SGCZ: variants seen among roughly 807,000 people sequenced by gnomAD.
SGCZ encodes the protein zeta-sarcoglycan.
Under a neutral mutation model 41.3 loss-of-function variants are expected in SGCZ, and 40 were observed. That is an observed-to-expected ratio of 0.97 (90% CI 0.75 to 1.26). SGCZ has a LOEUF of 1.26. Ranked by LOEUF, SGCZ falls within the 50% of genes most tolerant of loss-of-function variation. SGCZ has a pLI of 0.00. For synonymous variants in SGCZ, 206 were observed against 137.5 expected, an observed-to-expected ratio of 1.50 and a Z score of -3.49; for missense variants, 552 against 369.8, an observed-to-expected ratio of 1.49 and a Z score of -4.04.
At chr8:14,251,822 TCTCCTGCCTCAG>T (rs1799297327) in intron 3 of SGCZ, among the ~76,000 whole-genome samples, 1 of 152,116 alleles carries the variant, frequency 6.6e-6, no homozygotes, top group Non-Finnish European at 1.5e-5. Flanking sequence ...TTCAAGTGGT[TCTCCTGCCTCAG>T]CCTCCTGAGT....
chr8:14,184,405 G>T (rs1804836474), intron 4 of SGCZ, among the ~76,000 whole-genome samples: 1 of 152,104 alleles, frequency 6.6e-6, no homozygotes, highest in Admixed American at 6.6e-5. Context: ...GTAATCCAGA[G>T]TATTAATTAT....
intron 1 of SGCZ, among the ~76,000 whole-genome samples, chr8:14,673,578 T>A (rs1329409276): frequency 2.0e-5 from 3 of 152,130 alleles, no homozygotes; most frequent in Admixed American, 6.6e-5. Context: ...GTGAGTCAAT[T>A]AAACCTCTCT....
At chr8:15,007,893 A>G (rs12674502) in intron 1 of SGCZ, among the ~76,000 whole-genome samples, 85,387 of 151,968 alleles carry the variant, frequency 0.56, 24,567 homozygotes, top group Middle Eastern at 0.68. Context: ...GTTATAAATG[A>G]AATTTTTAAA....
At chr8:15,033,155 C>A (rs954571667) in intron 1 of SGCZ, among the ~76,000 whole-genome samples, 2 of 151,902 alleles carry the variant, frequency 1.3e-5, no homozygotes, top group African/African-American at 4.8e-5. Flanking sequence ...TCCCACTAGA[C>A]CCCAAGTCTG....
chr8:14,606,258 G>C (rs1033794433), intron 1 of SGCZ, among the ~76,000 whole-genome samples: 4 of 151,982 alleles, frequency 2.6e-5, no homozygotes, highest in African/African-American at 9.7e-5. Flanking sequence ...TAACATACAT[G>C]TATATATGAT....
At chr8:14,856,215 TATGATTCA>T (rs1488257686) in intron 1 of SGCZ, among the ~76,000 whole-genome samples, 2 of 152,162 alleles carry the variant, frequency 1.3e-5, no homozygotes, top group Admixed American at 6.5e-5. Context: ...GAAGATAAGT[TATGATTCA>T]ATGAAAATAA....
intron 4 of SGCZ, among the ~76,000 whole-genome samples, chr8:14,213,352 C>A (rs545661583): frequency 2.0e-5 from 3 of 152,106 alleles, no homozygotes; most frequent in African/African-American, 7.2e-5. Flanking sequence ...GTATGGCAGC[C>A]AATTTTTCAT....
chr8:14,746,516 T>C (rs886408479), intron 1 of SGCZ, among the ~76,000 whole-genome samples: 4 of 152,054 alleles, frequency 2.6e-5, no homozygotes, highest in Admixed American at 2.0e-4. Flanking sequence ...CCTCATTCAC[T>C]CTCTCCCCTC....
chr8:14,646,159 C>G (rs1310889607), intron 1 of SGCZ, among the ~76,000 whole-genome samples: 1 of 151,922 alleles, frequency 6.6e-6, no homozygotes, highest in Non-Finnish European at 1.5e-5. Context: ...CACCCAGATA[C>G]TGAGCACAGT....
At chr8:14,465,151 T>G (rs538301332) in intron 2 of SGCZ, among the ~76,000 whole-genome samples, 1 of 151,836 alleles carries the variant, frequency 6.6e-6, no homozygotes, top group African/African-American at 2.4e-5. Flanking sequence ...CTCCCTATTA[T>G]TGAAAGTAGA....
chr8:15,091,737 G>A (rs1806159854), intron 1 of SGCZ, among the ~76,000 whole-genome samples: 1 of 151,986 alleles, frequency 6.6e-6, no homozygotes, highest in Admixed American at 6.6e-5. Flanking sequence ...TCAATAAGAG[G>A]ACTCCTAATT....
At position 14,465,680 on chromosome 8, in the gene SGCZ, T is replaced by C. The variant is rs904055112; in HGVS notation, c.234+89052A>G. On this transcript the variant is annotated intron_variant, in intron 2 of 7. Transcript: ENST00000382080. ...CATTATTTAGCCATTTTCTTTGTGG[T>C]TGCCATGGGGATTATATTTAACATC... Among the ~76,000 whole-genome samples the C allele has an allele frequency of 3.3e-5, 5 of 151,760 alleles. No individual in the cohort carries two copies. In the East Asian group the frequency reaches 9.6e-4, roughly 29 times the overall value.
chr8:14,146,174 T>C lies in SGCZ; in HGVS notation c.547+18406A>G, dbSNP rs543372940. Among the ~76,000 whole-genome samples the C allele has an allele frequency of 4.7e-4, 72 of 152,042 alleles. 1 individual carries two copies. Among genetic ancestry groups the C allele is most frequent in the African/African-American group, 1.6e-3 (67 of 41,472 alleles). ...TTATCAAACTCTCAAAAGTCAATGA[T>C]AAAGAAAGGATTCTAAAAGCAGCCA... On this transcript the variant is annotated intron_variant, in intron 5 of 7. Coordinates refer to ENST00000382080, the MANE Select transcript of SGCZ (RefSeq NM_139167.4).
At chr8:14,164,188 C>T (rs965334778) in intron 5 of SGCZ, among the ~76,000 whole-genome samples, 1 of 151,990 alleles carries the variant, frequency 6.6e-6, no homozygotes, top group Non-Finnish European at 1.5e-5. Context: ...ATTATAACTT[C>T]CCCCTTACTT....
chr8:14,860,679 AGAAAGAAAGAAAGAAG>A (rs1355658779), intron 1 of SGCZ, among the ~76,000 whole-genome samples: 3 of 143,704 alleles, frequency 2.1e-5, no homozygotes, highest in Admixed American at 1.4e-4. Flanking sequence ...AGGGAAAGAG[AGAAAGAAAGAAAGAAG>A]GAAAGAAAGA....
intron 3 of SGCZ, among the ~76,000 whole-genome samples, chr8:14,246,835 G>A (rs1262885336): frequency 6.8e-5 from 10 of 147,658 alleles, no homozygotes; most frequent in Admixed American, 4.8e-4. Flanking sequence ...GCATGAACCC[G>A]GGAGGCAGAG....
At chr8:14,434,990 T>C (rs1472532903) in intron 2 of SGCZ, among the ~76,000 whole-genome samples, 6 of 152,176 alleles carry the variant, frequency 3.9e-5, no homozygotes, top group Non-Finnish European at 8.8e-5. Context: ...GAAATAAATT[T>C]GTGTTCATTA....
rs1481391948 is a variant in SGCZ, at chr8:15,091,087, A to G, written c.39+146498T>C. 2.6e-5 allele frequency among the ~76,000 whole-genome samples: 4 copies of G among 152,214 alleles called. No homozygotes were observed. In the East Asian group the frequency reaches 7.7e-4, roughly 29 times the overall value. On this transcript the variant is annotated intron_variant, in intron 1 of 7. Transcript: ENST00000382080. ...ATATTAAATGTTTTGCTTTATTACC[A>G]CAGACATACTTGAACTGGTAGAGTA...
chr8:14,178,626 AC>A (rs768892929), intron 4 of SGCZ, among the ~76,000 whole-genome samples: 1 of 152,232 alleles, frequency 6.6e-6, no homozygotes, highest in Non-Finnish European at 1.5e-5. Context: ...TTTCTGAATC[AC>A]CAGCAAAGAT....
Sources: allele counts gnomAD v4.1 joint callset (sites outside exome capture counted in the v4.1 genomes callset), GRCh38; gene constraint gnomAD v4.1.1; transcripts MANE v1.5; gene names NCBI Gene and HGNC (gene_info 2026-07-23, HGNC 2026-07-21).